CDH18: variants seen among roughly 807,000 people sequenced by gnomAD.
CDH18 encodes the protein cadherin-18.
Under a neutral mutation model 67.9 loss-of-function variants are expected in CDH18, and 31 were observed. That is an observed-to-expected ratio of 0.46 (90% CI 0.34 to 0.62). The LOEUF is 0.62. Ranked by LOEUF, CDH18 falls within the 20% of genes least tolerant of loss-of-function variation. CDH18 has a pLI of 0.01. For missense variants in CDH18, 890 were observed against 975.5 expected (o/e 0.91, Z 1.17); for synonymous variants, 362 against 347.2 (o/e 1.04, Z -0.48).
At chr5:20,491,646 C>T (rs996405508) in intron 1 of CDH18, among the ~76,000 whole-genome samples, 1 of 152,164 alleles carries the variant, frequency 6.6e-6, no homozygotes, top group African/African-American at 2.4e-5. Flanking sequence ...TTTCCGCTTG[C>T]TCAAGGAGAT....
intron 1 of CDH18, among the ~76,000 whole-genome samples, chr5:20,573,909 TTATA>T (rs199933828): frequency 5.0e-5 from 2 of 39,830 alleles, no homozygotes; most frequent in Admixed American, 2.3e-4. Context: ...ATATATGTAT[TTATA>T]TATATAAAAG....
chr5:20,426,076 C>CTT (rs2150167528), intron 1 of CDH18, among the ~76,000 whole-genome samples: 1 of 151,264 alleles, frequency 6.6e-6, no homozygotes, highest in South Asian at 2.1e-4. Context: ...TATATCAGAG[C>CTT]TTTGTTTGCT....
intron 1 of CDH18, among the ~76,000 whole-genome samples, chr5:20,448,117 T>C (rs1750150692): frequency 6.6e-6 from 1 of 151,916 alleles, no homozygotes; most frequent in Non-Finnish European, 1.5e-5. Flanking sequence ...GCGCTCTCGT[T>C]CAATTCCCAC....
chr5:20,555,950 T>G (rs1265506170), intron 1 of CDH18, among the ~76,000 whole-genome samples: 1 of 152,168 alleles, frequency 6.6e-6, no homozygotes, highest in East Asian at 1.9e-4. Flanking sequence ...GGTTCTTCCC[T>G]TCTTTGGAAA....
intron 11 of CDH18, 105 bp downstream of exon 11, chr5:19,502,883 TTGAA>T (rs1743492942): frequency 1.3e-6 from 1 of 770,802 alleles, no homozygotes; most frequent in Non-Finnish European, 2.3e-6. Context: ...CAAACTGACT[TTGAA>T]TGCTGATTTG....
rs531322160 is a variant in CDH18 at position 20,429,382 on chromosome 5, G to T, written c.-580+146080C>A. Among the ~76,000 whole-genome samples the T allele has an allele frequency of 5.3e-5, 8 of 152,228 alleles. No homozygotes were observed. The South Asian group carries it at 1.5e-3, about 28-fold the overall frequency. On this transcript the variant is annotated intron_variant, in intron 1 of 14. Transcript: ENST00000507958. ...CATGGTTCTAGAAGGAAAAGTCATT[G>T]TATATTTTCCTTTCACAGATTGTGA...
chr5:20,389,221 T>A (rs1367054874), intron 1 of CDH18, among the ~76,000 whole-genome samples: 1 of 152,202 alleles, frequency 6.6e-6, no homozygotes, highest in African/African-American at 2.4e-5. Context: ...ACTTGCTTTA[T>A]GAATCTGGGT....
intron 2 of CDH18, among the ~76,000 whole-genome samples, chr5:20,030,882 C>T (rs908754115): frequency 1.3e-5 from 2 of 152,086 alleles, no homozygotes; most frequent in Non-Finnish European, 2.9e-5. Flanking sequence ...AATGATGAGG[C>T]TGAACTAATA....
intron 5 of CDH18, among the ~76,000 whole-genome samples, chr5:19,636,261 T>C (rs1009634828): frequency 3.3e-5 from 5 of 152,088 alleles, no homozygotes; most frequent in Non-Finnish European, 5.9e-5. Context: ...GTATTAATCA[T>C]GTACAGTATG....
At chr5:20,324,641 C>T (rs1738377463) in intron 1 of CDH18, among the ~76,000 whole-genome samples, 1 of 152,064 alleles carries the variant, frequency 6.6e-6, no homozygotes, top group Admixed American at 6.5e-5. Context: ...AAAAACAAGG[C>T]ATCATTTAGC....
intron 2 of CDH18, among the ~76,000 whole-genome samples, chr5:20,213,252 G>T (rs1207818053): frequency 6.6e-6 from 1 of 152,160 alleles, no homozygotes; most frequent in Non-Finnish European, 1.5e-5. Flanking sequence ...TGGTGGAATT[G>T]TAGTCAGATA....
At chr5:19,491,182 C>T (rs1218892523) in intron 11 of CDH18, among the ~76,000 whole-genome samples, 1 of 152,144 alleles carries the variant, frequency 6.6e-6, no homozygotes, top group Non-Finnish European at 1.5e-5. Flanking sequence ...GAATAAAATC[C>T]ATGTGTTCCA....
At chr5:20,531,694 C>T (rs1756408378) in intron 1 of CDH18, among the ~76,000 whole-genome samples, 1 of 152,008 alleles carries the variant, frequency 6.6e-6, no homozygotes. Flanking sequence ...ACAATGAGAA[C>T]ACATGAACAC....
At chr5:20,119,944 A>G (rs559109883) in intron 2 of CDH18, among the ~76,000 whole-genome samples, 2 of 152,034 alleles carry the variant, frequency 1.3e-5, no homozygotes, top group African/African-American at 2.4e-5. Context: ...AAATAAATCT[A>G]TATTTTATCA....
rs565551307 is a variant in CDH18 at position 20,386,563 on chromosome 5, C to A, written c.-579-131058G>T. ...CACATACGCCCCTTACATATGAAAA[C>A]CGAGGCATGCATAACTTAAATAATA... On this transcript the variant is annotated intron_variant, in intron 1 of 14. Transcript: ENST00000507958. 2.0e-4 allele frequency among the ~76,000 whole-genome samples: 30 copies of A among 152,172 alleles called. No homozygotes were observed. In the South Asian group the frequency reaches 5.6e-3, roughly 28 times the overall value.
chr5:20,118,224 C>T (rs867335125), intron 2 of CDH18, among the ~76,000 whole-genome samples: 8 of 151,916 alleles, frequency 5.3e-5, no homozygotes, highest in African/African-American at 1.7e-4. Flanking sequence ...AGAAAAAAAG[C>T]GTTGCAGCAG....
At chr5:19,986,099 G>A (rs201030546) in intron 1 of CDH18, among the ~76,000 whole-genome samples, 1 of 151,850 alleles carries the variant, frequency 6.6e-6, no homozygotes, top group East Asian at 2.1e-4. Context: ...GGGACAAAAA[G>A]TACTTTATAT....
intron 1 of CDH18, among the ~76,000 whole-genome samples, chr5:20,290,618 C>A (rs12522283): frequency 6.6e-6 from 1 of 152,114 alleles, no homozygotes; most frequent in African/African-American, 2.4e-5. Flanking sequence ...ATTTGAGCCA[C>A]ATCCTGACAA....
At chr5:19,798,588 C>A (rs1489628071) in intron 3 of CDH18, among the ~76,000 whole-genome samples, 1 of 151,750 alleles carries the variant, frequency 6.6e-6, no homozygotes, top group Admixed American at 6.6e-5. Flanking sequence ...TATTTCATAT[C>A]ATGAAACAAG....
Sources: gnomAD v4.1 joint callset for allele counts (sites outside exome capture counted in the v4.1 genomes callset) on GRCh38, gnomAD v4.1.1 for gene constraint, MANE v1.5 for transcripts, NCBI Gene and HGNC (gene_info 2026-07-23, HGNC 2026-07-21) for gene names.